The following LRP1B variants were observed in gnomAD, a reference collection of about 807,000 sequenced individuals.
LRP1B encodes the protein low-density lipoprotein receptor-related protein 1B.
A neutral mutation model predicts 556.6 loss-of-function variants in LRP1B; 217 were observed. The ratio of observed to expected loss-of-function variants is 0.39; its 90% CI spans 0.35 to 0.44. The LOEUF (loss-of-function observed/expected upper bound fraction) is 0.44. LRP1B is among the 20% of genes least tolerant of loss of function. The pLI, the probability that LRP1B is intolerant of heterozygous loss-of-function variation, is 1.00. For synonymous variants in LRP1B, 2,047 were observed against 1,865.8 expected (o/e 1.10, Z -2.50); for missense variants, 5,053 against 5,620.8 (o/e 0.90, Z 3.23).
rs1377566424 is a variant in LRP1B, at chr2:141,019,997, G to C, written c.1895C>G (p.Ala632Gly). The change falls in exon 12 of 91, where the codon GCT becomes GGT. Residue 632 changes from alanine to glycine, a missense_variant. Around this residue, in one of 5 missense-constraint regions of LRP1B, gnomAD observed 3,619 missense variants for 3,931.9 expected, o/e 0.92. Transcript: ENST00000389484. Reference sequence around the variant, plus strand: ...TAAAAGAGTCTTCCGACTCTGAGAAGCTTTTTCCAGCCTGGCCACATTAAT... The same window carrying C: ...TAAAAGAGTCTTCCGACTCTGAGAACCTTTTTCCAGCCTGGCCACATTAAT... ...KTINVARLEK[A>G]SQSRKTLLEG... 5.0e-6 allele frequency: 8 copies of C among 1,611,720 alleles called. No individual in the cohort carries two copies. In the Admixed American group the frequency reaches 1.2e-4, roughly 24 times the overall value.
intron 1 of LRP1B, among the ~76,000 whole-genome samples, chr2:141,972,323 T>C (rs1701765890): frequency 6.6e-6 from 1 of 151,618 alleles, no homozygotes; most frequent in South Asian, 2.1e-4. Context: ...AGATAATTGT[T>C]AAATGTTATA....
At chr2:140,472,845 T>G (rs1687825886) in intron 60 of LRP1B, among the ~76,000 whole-genome samples, 1 of 152,082 alleles carries the variant, frequency 6.6e-6, no homozygotes, top group South Asian at 2.1e-4. Flanking sequence ...GTCTCATATG[T>G]TTTTTATATT....
At chr2:141,467,852 A>AGGGGTT (rs1163213986) in intron 3 of LRP1B, among the ~76,000 whole-genome samples, 5 of 133,238 alleles carry the variant, frequency 3.8e-5, no homozygotes, top group East Asian at 2.4e-4. Flanking sequence ...GGGGGGGGGA[A>AGGGGTT]TTCCAGCATA....
chr2:141,844,569 A>G (rs980000082), intron 1 of LRP1B, among the ~76,000 whole-genome samples: 4 of 152,074 alleles, frequency 2.6e-5, no homozygotes, highest in African/African-American at 9.7e-5. Context: ...TTTTCAGATA[A>G]ATAAACGAGC....
chr2:140,541,144 G>C (rs1680120058), intron 44 of LRP1B, 46 bp from the exon 45 acceptor site: 1 of 1,484,666 alleles, frequency 6.7e-7, no homozygotes, highest in Non-Finnish European at 9.3e-7. Flanking sequence ...TCGAATTCCT[G>C]TTCTATGTTA....
intron 66 of LRP1B, among the ~76,000 whole-genome samples, chr2:140,389,780 A>G (rs1462825957): frequency 6.7e-6 from 1 of 148,244 alleles, no homozygotes; most frequent in Non-Finnish European, 1.5e-5. Context: ...TGGTTTAATC[A>G]CTGTCAAATT....
intron 1 of LRP1B, among the ~76,000 whole-genome samples, chr2:142,107,070 T>C (rs150631867): frequency 1.4e-4 from 22 of 152,294 alleles, no homozygotes; most frequent in African/African-American, 5.3e-4. Context: ...GAGTTCTGCT[T>C]AGTTGTTTAA....
At chr2:140,242,612 T>C (rs1030803036) in intron 87 of LRP1B, among the ~76,000 whole-genome samples, 7 of 151,088 alleles carry the variant, frequency 4.6e-5, no homozygotes, top group African/African-American at 1.7e-4. Context: ...GAATGCTGTA[T>C]TAGGAAAGTT....
intron 3 of LRP1B, among the ~76,000 whole-genome samples, chr2:141,322,219 G>C (rs570044715): frequency 6.6e-6 from 1 of 152,042 alleles, no homozygotes; most frequent in Non-Finnish European, 1.5e-5. Flanking sequence ...GAGGACAGAC[G>C]TACTCCTCTT....
rs16846838 is a variant in LRP1B, at chr2:141,678,337, G to A, written c.205+131942C>T. On this transcript the variant is annotated intron_variant, in intron 2 of 90. Transcript: ENST00000389484. ...GTCTGTCAAATAGCCATAATATAAG[G>A]GAAAAACCAATATACGATACTGTCA... Among the ~76,000 whole-genome samples the A allele has an allele frequency of 7.9e-3, 1,204 of 151,908 alleles. 17 individuals are homozygous for A. Among genetic ancestry groups the A allele is most frequent in the African/African-American group, 0.028 (1,147 of 41,458 alleles).
chr2:140,544,336 G>A (rs1365937230), intron 43 of LRP1B, among the ~76,000 whole-genome samples: 1 of 151,866 alleles, frequency 6.6e-6, no homozygotes, highest in Non-Finnish European at 1.5e-5. Context: ...TAACTTTTAA[G>A]TTCAGGGATA....
intron 1 of LRP1B, among the ~76,000 whole-genome samples, chr2:141,872,341 CAAAAG>C: frequency 6.6e-6 from 1 of 151,796 alleles, no homozygotes; most frequent in Middle Eastern, 3.4e-3. Flanking sequence ...AGGAAACTAA[CAAAAG>C]AAATCTCAAG....
At chr2:140,810,678 A>T (rs1690887360) in intron 32 of LRP1B, among the ~76,000 whole-genome samples, 1 of 152,094 alleles carries the variant, frequency 6.6e-6, no homozygotes, top group African/African-American at 2.4e-5. Context: ...AAATCCTCAG[A>T]CTGCTAGGTG....
At chr2:140,319,838 G>A (rs1680004500) in intron 82 of LRP1B, among the ~76,000 whole-genome samples, 1 of 152,132 alleles carries the variant, frequency 6.6e-6, no homozygotes, top group Non-Finnish European at 1.5e-5. Context: ...AATGGATAAA[G>A]GGGAAGGGAG....
chr2:142,015,509 A>G (rs1703090982), intron 1 of LRP1B, among the ~76,000 whole-genome samples: 1 of 152,228 alleles, frequency 6.6e-6, no homozygotes, highest in Non-Finnish European at 1.5e-5. Flanking sequence ...AACAAAAGCC[A>G]AAGTTGACAA....
At chr2:141,060,269 G>A (rs1699299368) in intron 8 of LRP1B, among the ~76,000 whole-genome samples, 2 of 151,648 alleles carry the variant, frequency 1.3e-5, no homozygotes, top group African/African-American at 4.8e-5. Context: ...TCATGCTTAG[G>A]TCGGACATAA....
chr2:141,719,077 G>A (rs1352141604), intron 2 of LRP1B, among the ~76,000 whole-genome samples: 4 of 152,028 alleles, frequency 2.6e-5, no homozygotes, highest in Non-Finnish European at 4.4e-5. Context: ...ATTTTCTTGA[G>A]TTTTTATGAG....
At chr2:141,956,774 A>G (rs1481082629) in intron 1 of LRP1B, among the ~76,000 whole-genome samples, 1 of 152,114 alleles carries the variant, frequency 6.6e-6, no homozygotes, top group Non-Finnish European at 1.5e-5. Flanking sequence ...GGGATAAAAC[A>G]TAGATAAATA....
chr2:140,633,582 T>C (rs1294176338), intron 41 of LRP1B, among the ~76,000 whole-genome samples: 5 of 152,072 alleles, frequency 3.3e-5, no homozygotes, highest in African/African-American at 1.2e-4. Flanking sequence ...TTACAGTGGA[T>C]TCATTTTTTT....
Sources: gnomAD v4.1 joint callset for allele counts (sites outside exome capture counted in the v4.1 genomes callset) on GRCh38, gnomAD v4.1.1 for gene constraint, gnomAD v4.1.1 regional missense constraint, MANE v1.5 for transcripts, NCBI Gene and HGNC (gene_info 2026-07-23, HGNC 2026-07-21) for gene names.